The following NALF1 variants were observed in gnomAD, a reference collection of about 807,000 sequenced individuals.
NALF1 encodes the protein family with sequence similarity 155 member A.
NALF1 carries 3 observed loss-of-function variants against 48.4 expected under a neutral mutation model. The ratio of observed to expected loss-of-function variants is 0.06; its 90% CI spans 0.03 to 0.16. NALF1 has a LOEUF of 0.16. Among genes scored for constraint, NALF1 ranks in the 10% least tolerant of loss-of-function variants. The probability of loss-of-function intolerance (pLI) is 1.00; values close to 1 mark genes in which losing one functional copy is unlikely to be tolerated. For missense variants in NALF1, 526 were observed against 571.5 expected (o/e 0.92, Z 0.81); for synonymous variants, 262 against 245.7 (o/e 1.07, Z -0.62).
chr13:107,695,835 T>C (rs1161934899), intron 1 of NALF1, among the ~76,000 whole-genome samples: 3 of 152,160 alleles, frequency 2.0e-5, no homozygotes, highest in Non-Finnish European at 4.4e-5. Context: ...TCAATCAATT[T>C]TGTCCAATGA....
intron 1 of NALF1, among the ~76,000 whole-genome samples, chr13:107,372,275 C>A (rs986587748): frequency 3.3e-5 from 5 of 152,202 alleles, no homozygotes; most frequent in South Asian, 2.1e-4. Context: ...GTCCTTCTGA[C>A]AATACTGTGA....
intron 1 of NALF1, among the ~76,000 whole-genome samples, chr13:107,605,655 A>G (rs1879046177): frequency 6.6e-6 from 1 of 152,192 alleles, no homozygotes; most frequent in African/African-American, 2.4e-5. Flanking sequence ...ATCTATGTAC[A>G]TATGACACTA....
At chr13:107,726,162 T>C (rs771927005) in intron 1 of NALF1, among the ~76,000 whole-genome samples, 6 of 152,172 alleles carry the variant, frequency 3.9e-5, no homozygotes, top group Non-Finnish European at 8.8e-5. Context: ...AATTGACAAT[T>C]TTCATTTCAT....
At chr13:107,328,311 C>T (rs9514662) in intron 1 of NALF1, among the ~76,000 whole-genome samples, 44,153 of 151,026 alleles carry the variant, frequency 0.29, 6,751 homozygotes, top group African/African-American at 0.32. Context: ...CACACACACA[C>T]ACACTTTTGT....
chr13:107,206,948 C>G (rs1270345474), intron 2 of NALF1, among the ~76,000 whole-genome samples: 3 of 152,164 alleles, frequency 2.0e-5, no homozygotes, highest in Admixed American at 2.0e-4. Context: ...GTAGGAAAAC[C>G]ATTATAATTA....
chr13:107,630,601 G>C (rs935571066), intron 1 of NALF1, among the ~76,000 whole-genome samples: 2 of 152,062 alleles, frequency 1.3e-5, no homozygotes, highest in African/African-American at 4.8e-5. Flanking sequence ...AGTATCTTTT[G>C]AATGAATAAT....
At chr13:107,225,808 G>A (rs1195177562) in intron 1 of NALF1, among the ~76,000 whole-genome samples, 2 of 151,944 alleles carry the variant, frequency 1.3e-5, no homozygotes, top group Admixed American at 6.6e-5. Context: ...CCATACTCTC[G>A]CCATATGCAC....
At chr13:107,196,346 T>A (rs1879393065) in intron 2 of NALF1, among the ~76,000 whole-genome samples, 1 of 152,160 alleles carries the variant, frequency 6.6e-6, no homozygotes, top group South Asian at 2.1e-4. Flanking sequence ...GTCTCTAGAA[T>A]CAAGCTAGTA....
chr13:107,861,059 T>C (rs1223646681), intron 1 of NALF1, among the ~76,000 whole-genome samples: 1 of 152,180 alleles, frequency 6.6e-6, no homozygotes, highest in Admixed American at 6.5e-5. Flanking sequence ...AACAAATATC[T>C]AATAATAAGA....
intron 1 of NALF1, among the ~76,000 whole-genome samples, chr13:107,801,343 G>A (rs73585689): frequency 0.028 from 4,188 of 152,180 alleles, 190 homozygotes; most frequent in African/African-American, 0.095. Flanking sequence ...TTAGGACAGT[G>A]GATTAAATGG....
chr13:107,219,537 T>C (rs1157904872), intron 1 of NALF1, among the ~76,000 whole-genome samples: 1 of 152,212 alleles, frequency 6.6e-6, no homozygotes, highest in Non-Finnish European at 1.5e-5. Context: ...AGGGATAATA[T>C]ATTCACCAAG....
chr13:107,380,139 G>T (rs996105560), intron 1 of NALF1, among the ~76,000 whole-genome samples: 1 of 151,996 alleles, frequency 6.6e-6, no homozygotes, highest in Non-Finnish European at 1.5e-5. Context: ...ACTAGCATTA[G>T]TACTAATTTG....
intron 1 of NALF1, among the ~76,000 whole-genome samples, chr13:107,405,823 T>C (rs768975313): frequency 6.6e-6 from 1 of 151,888 alleles, no homozygotes; most frequent in Non-Finnish European, 1.5e-5. Flanking sequence ...TTATTTAGAA[T>C]AGATAAAAGA....
At chr13:107,254,103 A>G (rs1286668759) in intron 1 of NALF1, among the ~76,000 whole-genome samples, 10 of 147,894 alleles carry the variant, frequency 6.8e-5, no homozygotes, top group Non-Finnish European at 1.5e-5. Context: ...CTTTCCATGA[A>G]TAAAATGAGT....
intron 1 of NALF1, among the ~76,000 whole-genome samples, chr13:107,588,787 C>G (rs1408124977): frequency 6.6e-6 from 1 of 152,008 alleles, no homozygotes; most frequent in Non-Finnish European, 1.5e-5. Context: ...AAAACTGAAT[C>G]AATCATGTTT....
At chr13:107,644,810 C>G (rs756414288) in intron 1 of NALF1, among the ~76,000 whole-genome samples, 55 of 151,608 alleles carry the variant, frequency 3.6e-4, no homozygotes, top group Non-Finnish European at 6.9e-4. Flanking sequence ...GTGAACACAC[C>G]TCTGGAACCA....
At chr13:107,511,314 A>G (rs1875883215) in intron 1 of NALF1, among the ~76,000 whole-genome samples, 1 of 152,196 alleles carries the variant, frequency 6.6e-6, no homozygotes, top group Non-Finnish European at 1.5e-5. Flanking sequence ...AAAATATATG[A>G]CATGTGATTG....
At chr13:107,807,838 C>G (rs1878849966) in intron 1 of NALF1, among the ~76,000 whole-genome samples, 1 of 152,144 alleles carries the variant, frequency 6.6e-6, no homozygotes, top group Non-Finnish European at 1.5e-5. Flanking sequence ...TGGGGAACAG[C>G]TCACACGGAC....
intron 1 of NALF1, among the ~76,000 whole-genome samples, chr13:107,506,997 A>T (rs1409812059): frequency 1.3e-5 from 2 of 152,062 alleles, no homozygotes; most frequent in African/African-American, 4.8e-5. Context: ...ATCAGGAAAA[A>T]TTATCTTCTT....
Sources: allele counts gnomAD v4.1 joint callset (sites outside exome capture counted in the v4.1 genomes callset), GRCh38; gene constraint gnomAD v4.1.1; transcripts MANE v1.5; gene names NCBI Gene and HGNC (gene_info 2026-07-23, HGNC 2026-07-21).